Variants in IGF2BP2 observed in about 807,000 individuals in gnomAD.
IGF2BP2 encodes insulin like growth factor 2 mRNA binding protein 2.
A neutral mutation model predicts 75.8 loss-of-function variants in IGF2BP2; 17 were observed. That is an observed-to-expected ratio of 0.22 (90% CI 0.15 to 0.34). The LOEUF (loss-of-function observed/expected upper bound fraction) is 0.34. Ranked by LOEUF, IGF2BP2 falls within the 10% of genes least tolerant of loss-of-function variation. The probability of loss-of-function intolerance (pLI) is 1.00; values close to 1 mark genes in which losing one functional copy is unlikely to be tolerated. For synonymous variants in IGF2BP2, 288 were observed against 295.6 expected (o/e 0.97, Z 0.26); for missense variants, 516 against 772.4 (o/e 0.67, Z 3.93).
intron 2 of IGF2BP2, among the ~76,000 whole-genome samples, chr3:185,810,743 C>T (rs1180452448): frequency 6.6e-6 from 1 of 150,700 alleles, no homozygotes; most frequent in East Asian, 1.9e-4. Context: ...CACTGCACTC[C>T]AGCCTAGGCA....
chr3:185,699,887 G>A (rs1723062048), intron 2 of IGF2BP2, among the ~76,000 whole-genome samples: 1 of 151,980 alleles, frequency 6.6e-6, no homozygotes, highest in Non-Finnish European at 1.5e-5. Flanking sequence ...ATTGTTTCTT[G>A]TTTTTACTTA....
chr3:185,740,844 G>C (rs1243932289), intron 2 of IGF2BP2, among the ~76,000 whole-genome samples: 1 of 152,210 alleles, frequency 6.6e-6, no homozygotes, highest in Admixed American at 6.5e-5. Context: ...GCTGCAAGTT[G>C]AGGAAATGTT....
chr3:185,713,861 C>T lies in IGF2BP2; in HGVS notation c.240-15514G>A, dbSNP rs554426656. On this transcript the variant is annotated intron_variant, in intron 2 of 15. Coordinates refer to ENST00000382199, the MANE Select transcript of IGF2BP2 (RefSeq NM_006548.6). Reference sequence around the variant, plus strand: ...GATTACAGGCACCCACCACCACACCCGGCTAATTTTTGTGTTTTTAGTAGA... The same window carrying T: ...GATTACAGGCACCCACCACCACACCTGGCTAATTTTTGTGTTTTTAGTAGA... Among the ~76,000 whole-genome samples, 31 of 152,218 alleles carry T rather than the reference C, an allele frequency of 2.0e-4. No homozygotes were observed. The South Asian group carries it at 2.5e-3, about 12-fold the overall frequency.
At chr3:185,655,038 C>A (rs1331910567) in intron 12 of IGF2BP2, among the ~76,000 whole-genome samples, 1 of 152,210 alleles carries the variant, frequency 6.6e-6, no homozygotes, top group African/African-American at 2.4e-5. Context: ...GGGAGAATCT[C>A]TGGAGTTAGT....
intron 2 of IGF2BP2, among the ~76,000 whole-genome samples, chr3:185,799,620 C>T (rs1737921584): frequency 6.6e-6 from 1 of 151,998 alleles, no homozygotes; most frequent in South Asian, 2.1e-4. Context: ...GGCGTGGTGG[C>T]GGGTGACTGT....
At chr3:185,810,422 A>G (rs190759608) in intron 2 of IGF2BP2, among the ~76,000 whole-genome samples, 14 of 152,290 alleles carry the variant, frequency 9.2e-5, no homozygotes, top group Admixed American at 7.8e-4. Context: ...TTTCACCACT[A>G]TATTTTCCTA....
At chr3:185,815,465 TG>T (rs1481037807) in intron 2 of IGF2BP2, among the ~76,000 whole-genome samples, 1 of 152,238 alleles carries the variant, frequency 6.6e-6, no homozygotes, top group African/African-American at 2.4e-5. Context: ...TCTGAAGTTC[TG>T]GTCAGGAGCA....
intron 2 of IGF2BP2, chr3:185,716,389 T>C (rs1470352554): frequency 2.1e-6 from 1 of 469,300 alleles, no homozygotes; most frequent in Non-Finnish European, 4.2e-6. Flanking sequence ...ATATGCTCTG[T>C]GTTAAAACAG....
At chr3:185,792,522 T>C (rs1044230199) in intron 2 of IGF2BP2, among the ~76,000 whole-genome samples, 1 of 151,708 alleles carries the variant, frequency 6.6e-6, no homozygotes, top group African/African-American at 2.4e-5. Context: ...TCCCAGCACT[T>C]TGGGAGGCCA....
chr3:185,766,755 T>C (rs1457335831), intron 2 of IGF2BP2, among the ~76,000 whole-genome samples: 2 of 152,246 alleles, frequency 1.3e-5, no homozygotes, highest in East Asian at 1.9e-4. Context: ...TTCACACCTA[T>C]TACTTTCATT....
At chr3:185,691,815 G>T (rs142530854) in intron 5 of IGF2BP2, among the ~76,000 whole-genome samples, 1 of 151,970 alleles carries the variant, frequency 6.6e-6, no homozygotes, top group Non-Finnish European at 1.5e-5. Context: ...GCTTACTGCA[G>T]CCTTACCATC....
intron 2 of IGF2BP2, among the ~76,000 whole-genome samples, chr3:185,701,061 A>C (rs1219447877): frequency 6.6e-6 from 1 of 152,178 alleles, no homozygotes; most frequent in Non-Finnish European, 1.5e-5. Context: ...TTGGTAAAAG[A>C]ATACTTTTAG....
At chr3:185,755,893 T>C (rs775500191) in intron 2 of IGF2BP2, among the ~76,000 whole-genome samples, 26 of 152,284 alleles carry the variant, frequency 1.7e-4, no homozygotes, top group African/African-American at 4.1e-4. Flanking sequence ...ATTTCGGACT[T>C]TGAGTTGATG....
At chr3:185,710,021 C>T (rs989649372) in intron 2 of IGF2BP2, among the ~76,000 whole-genome samples, 1 of 152,046 alleles carries the variant, frequency 6.6e-6, no homozygotes, top group Non-Finnish European at 1.5e-5. Flanking sequence ...TGTTGGGGTA[C>T]AGTAGTGAAC....
chr3:185,673,318 A>C (rs916493742), intron 9 of IGF2BP2, among the ~76,000 whole-genome samples: 1 of 152,214 alleles, frequency 6.6e-6, no homozygotes, highest in Non-Finnish European at 1.5e-5. Context: ...GTACTCAATA[A>C]ATATTTGTTG....
chr3:185,786,339 A>C (rs1412991360), intron 2 of IGF2BP2, among the ~76,000 whole-genome samples: 1 of 152,156 alleles, frequency 6.6e-6, no homozygotes, highest in Non-Finnish European at 1.5e-5. Flanking sequence ...AAGCCATCGT[A>C]TCCCCTGTGA....
At chr3:185,702,333 G>T (rs1307231339) in intron 2 of IGF2BP2, among the ~76,000 whole-genome samples, 1 of 151,966 alleles carries the variant, frequency 6.6e-6, no homozygotes, top group Non-Finnish European at 1.5e-5. Flanking sequence ...AGGGAAGGAG[G>T]TGTTCGTTTC....
intron 2 of IGF2BP2, among the ~76,000 whole-genome samples, chr3:185,778,514 C>T (rs564288040): frequency 1.1e-3 from 175 of 152,232 alleles, no homozygotes; most frequent in African/African-American, 4.0e-3. Context: ...AACTGATTTG[C>T]CCAAGATCAC....
chr3:185,811,339 G>C (rs372932220), intron 2 of IGF2BP2, among the ~76,000 whole-genome samples: 16 of 152,196 alleles, frequency 1.1e-4, no homozygotes, highest in African/African-American at 3.4e-4. Flanking sequence ...TCATAGACAA[G>C]CCTATGTGTA....
Sources: gnomAD v4.1 joint callset for allele counts (sites outside exome capture counted in the v4.1 genomes callset) on GRCh38, gnomAD v4.1.1 for gene constraint, MANE v1.5 for transcripts, NCBI Gene and HGNC (gene_info 2026-07-23, HGNC 2026-07-21) for gene names.